The following AGMO variants were observed in gnomAD, a reference collection of about 807,000 sequenced individuals.
AGMO encodes the protein glyceryl-ether monooxygenase.
In AGMO, 75 loss-of-function variants were observed where a neutral mutation model predicts 60.2. The ratio of observed to expected loss-of-function variants is 1.25; its 90% CI spans 1.03 to 1.51. The LOEUF (loss-of-function observed/expected upper bound fraction) is 1.51, where lower values mean the gene tolerates loss of function less well. Among genes scored for constraint, AGMO ranks in the 40% most tolerant of loss-of-function variants. The pLI is 0.00. For synonymous variants in AGMO, 261 were observed against 177.1 expected (o/e 1.47, Z -3.76); for missense variants, 763 against 525.5 (o/e 1.45, Z -4.42).
At chr7:15,327,226 C>G (rs1026732224) in intron 12 of AGMO, among the ~76,000 whole-genome samples, 21 of 152,172 alleles carry the variant, frequency 1.4e-4, no homozygotes, top group Admixed American at 4.6e-4. Context: ...TACTACACCT[C>G]TATTTGATAT....
At chr7:15,246,034 T>C (rs1490561218) in intron 12 of AGMO, among the ~76,000 whole-genome samples, 1 of 151,816 alleles carries the variant, frequency 6.6e-6, no homozygotes, top group Non-Finnish European at 1.5e-5. Context: ...TTTCCTTGAA[T>C]ACATCACTGA....
chr7:15,367,566 A>G (rs1562462728), intron 10 of AGMO, among the ~76,000 whole-genome samples: 1 of 152,142 alleles, frequency 6.6e-6, no homozygotes, highest in Non-Finnish European at 1.5e-5. Context: ...CTGCCTGATC[A>G]CAAAGCATGA....
chr7:15,324,484 A>T (rs2128541392), intron 12 of AGMO, among the ~76,000 whole-genome samples: 1 of 152,124 alleles, frequency 6.6e-6, no homozygotes, highest in East Asian at 1.9e-4. Flanking sequence ...AGATGTCCTG[A>T]AGTGCCTTCT....
At chr7:15,510,322 T>C (rs887111722) in intron 3 of AGMO, among the ~76,000 whole-genome samples, 4 of 152,108 alleles carry the variant, frequency 2.6e-5, no homozygotes, top group African/African-American at 7.2e-5. Context: ...TGCACCACCA[T>C]GCCTAGCTAA....
the AGMO span, among the ~76,000 whole-genome samples, chr7:15,136,156 G>C: frequency 6.6e-6 from 1 of 151,714 alleles, no homozygotes; most frequent in East Asian, 1.9e-4. Context: ...ACCACGCCAG[G>C]CTAAATTAGT....
At chr7:15,303,856 T>A (rs563020801) in intron 12 of AGMO, among the ~76,000 whole-genome samples, 6 of 152,300 alleles carry the variant, frequency 3.9e-5, no homozygotes, top group African/African-American at 1.4e-4. Context: ...CATATATTCT[T>A]GTTGCTGTGT....
chr7:15,450,105 T>C (rs942450253), intron 3 of AGMO, among the ~76,000 whole-genome samples: 1 of 152,212 alleles, frequency 6.6e-6, no homozygotes, highest in South Asian at 2.1e-4. Flanking sequence ...TGTAATTGAT[T>C]GCATCAACTA....
At chr7:15,218,637 T>C (rs1266462365) in intron 12 of AGMO, among the ~76,000 whole-genome samples, 2 of 151,982 alleles carry the variant, frequency 1.3e-5, no homozygotes, top group Admixed American at 6.6e-5. Context: ...TTTGAAAAAA[T>C]ATATAGTTTA....
the AGMO span, among the ~76,000 whole-genome samples, chr7:15,194,425 T>G: frequency 6.6e-6 from 1 of 152,124 alleles, no homozygotes; most frequent in African/African-American, 2.4e-5. Context: ...AGTCTTTTAA[T>G]CTGAATAATG....
intron 12 of AGMO, among the ~76,000 whole-genome samples, chr7:15,314,413 G>A (rs77918392): frequency 6.6e-6 from 1 of 152,048 alleles, no homozygotes; most frequent in East Asian, 1.9e-4. Context: ...AAAATCCTTG[G>A]TATATATGTA....
the AGMO span, among the ~76,000 whole-genome samples, chr7:15,175,081 T>C: frequency 6.6e-6 from 1 of 151,844 alleles, no homozygotes; most frequent in Non-Finnish European, 1.5e-5. Flanking sequence ...GTTTACAGGA[T>C]TAAAAACTTA....
At chr7:15,359,202 A>T (rs924109684) in intron 12 of AGMO, among the ~76,000 whole-genome samples, 32 of 150,850 alleles carry the variant, frequency 2.1e-4, no homozygotes, top group Admixed American at 8.6e-4. Flanking sequence ...GGCAGGAGAA[A>T]TGCATGAACC....
chr7:15,524,599 A>G (rs1461943265), intron 3 of AGMO, among the ~76,000 whole-genome samples: 1 of 152,188 alleles, frequency 6.6e-6, no homozygotes, highest in Admixed American at 6.5e-5. Context: ...ACACTGGCTC[A>G]TGCCTGTAAT....
At chr7:15,488,295 A>C (rs534993896) in intron 3 of AGMO, among the ~76,000 whole-genome samples, 114 of 152,346 alleles carry the variant, frequency 7.5e-4, no homozygotes, top group African/African-American at 2.6e-3. Flanking sequence ...TTCTTTTTTA[A>C]AAATTGTTTC....
chr7:15,529,085 T>A lies in AGMO; in HGVS notation c.409+15687A>T, dbSNP rs185724613. Among the ~76,000 whole-genome samples the A allele has an allele frequency of 2.2e-4, 33 of 152,272 alleles. No homozygotes were observed. In the East Asian group the frequency reaches 6.2e-3, roughly 28 times the overall value. On this transcript the variant is annotated intron_variant, in intron 3 of 12. Transcript: ENST00000342526. ...CATTGATTTGATCTAATTAAAACGT[T>A]CAAAACAGACATTCTCAGCTTAATT...
chr7:15,128,685 A>C, the AGMO span, among the ~76,000 whole-genome samples: 1 of 152,144 alleles, frequency 6.6e-6, no homozygotes, highest in Admixed American at 6.6e-5. Context: ...TACCCATTAC[A>C]TCTAATCTAT....
At chr7:15,475,351 C>A (rs975137223) in intron 3 of AGMO, among the ~76,000 whole-genome samples, 1 of 152,004 alleles carries the variant, frequency 6.6e-6, no homozygotes, top group Non-Finnish European at 1.5e-5. Context: ...CCATGTAATA[C>A]TATGTAGCCA....
At chr7:15,458,299 G>T (rs1782048987) in intron 3 of AGMO, among the ~76,000 whole-genome samples, 1 of 152,164 alleles carries the variant, frequency 6.6e-6, no homozygotes, top group Non-Finnish European at 1.5e-5. Context: ...ATGTTTGGAG[G>T]AAAGTGCTGA....
At chr7:15,389,985 C>G (rs1339279640) in intron 8 of AGMO, among the ~76,000 whole-genome samples, 1 of 152,292 alleles carries the variant, frequency 6.6e-6, no homozygotes. Flanking sequence ...GTCCCCCGTA[C>G]AGAGCTGTCA....
Sources: gnomAD v4.1 joint callset for allele counts (sites outside exome capture counted in the v4.1 genomes callset) on GRCh38, gnomAD v4.1.1 for gene constraint, MANE v1.5 for transcripts, NCBI Gene and HGNC (gene_info 2026-07-23, HGNC 2026-07-21) for gene names.